Variants in IFT25 observed in about 807,000 individuals in gnomAD.
The protein encoded by IFT25 is intraflagellar transport protein 25 homolog.
At chr1:53,937,755 GAGTGTTTCTGGAA>G in the IFT25 span, among the ~76,000 whole-genome samples, 1 of 152,160 alleles carries the variant, frequency 6.6e-6, no homozygotes, top group East Asian at 1.9e-4. Flanking sequence ...CAGAATCAAG[GAGTGTTTCTGGAA>G]AGTCCTCTAT....
the IFT25 span, chr1:53,928,442 T>C: frequency 1.2e-6 from 2 of 1,606,456 alleles, no homozygotes; most frequent in South Asian, 2.2e-5. Flanking sequence ...AGGTCTGTAC[T>C]AACATTGTAA....
At chr1:53,928,220 T>C in the IFT25 span, 1,200 of 599,890 alleles carry the variant, frequency 2.0e-3, 11 homozygotes, top group African/African-American at 0.02. Flanking sequence ...AGCAGCTTTG[T>C]ATTCAAACCT....
the IFT25 span, chr1:53,939,572 A>G: frequency 6.0e-6 from 1 of 167,634 alleles, no homozygotes; most frequent in Admixed American, 6.5e-5. Flanking sequence ...GCAAGGAATG[A>G]AGCATTCAGT....
the IFT25 span, among the ~76,000 whole-genome samples, chr1:53,934,205 T>G: frequency 2.0e-5 from 3 of 152,192 alleles, no homozygotes; most frequent in Admixed American, 2.0e-4. Flanking sequence ...GGTCTACTTG[T>G]GATGAAAAAT....
At chr1:53,936,431 CAG>C in the IFT25 span, among the ~76,000 whole-genome samples, 2 of 152,166 alleles carry the variant, frequency 1.3e-5, no homozygotes, top group Admixed American at 6.5e-5. Context: ...GCCTGGGTGA[CAG>C]AGTGAGACCT....
the IFT25 span, chr1:53,916,803 C>G: frequency 5.1e-6 from 2 of 394,384 alleles, no homozygotes; most frequent in Non-Finnish European, 8.9e-6. Flanking sequence ...TCTGGTATAC[C>G]AAGGTGGCTT....
At chr1:53,928,464 A>C in the IFT25 span, 2,210 of 1,553,620 alleles carry the variant, frequency 1.4e-3, 32 homozygotes, top group African/African-American at 0.027. Flanking sequence ...CAAAGTAAGT[A>C]AAGTGTTAAT....
At chr1:53,923,664 T>A in the IFT25 span, 1 of 384,540 alleles carries the variant, frequency 2.6e-6, no homozygotes. Flanking sequence ...ATGAGAAAAA[T>A]AAAACAAAAA....
chr1:53,924,156 T>C, the IFT25 span, among the ~76,000 whole-genome samples: 1 of 152,144 alleles, frequency 6.6e-6, no homozygotes, highest in South Asian at 2.1e-4. Flanking sequence ...TAAAATATCC[T>C]AGTGAGTATA....
the IFT25 span, among the ~76,000 whole-genome samples, chr1:53,941,958 T>C: frequency 6.6e-6 from 1 of 152,188 alleles, no homozygotes; most frequent in Non-Finnish European, 1.5e-5. Context: ...TCTAGGTAGA[T>C]ATTTCTAACT....
At chr1:53,935,892 C>T in the IFT25 span, among the ~76,000 whole-genome samples, 1 of 151,992 alleles carries the variant, frequency 6.6e-6, no homozygotes, top group Non-Finnish European at 1.5e-5. Context: ...ATTTTAATTG[C>T]CTCATGTTTT....
the IFT25 span, among the ~76,000 whole-genome samples, chr1:53,942,071 C>T: frequency 6.6e-6 from 1 of 152,138 alleles, no homozygotes; most frequent in African/African-American, 2.4e-5. Flanking sequence ...TAAGGATGCA[C>T]AAAGTATGCT....
chr1:53,917,316 G>C, the IFT25 span, among the ~76,000 whole-genome samples: 1 of 151,866 alleles, frequency 6.6e-6, no homozygotes, highest in Non-Finnish European at 1.5e-5. Context: ...CTTTATAAAG[G>C]CTCTGCTTAA....
the IFT25 span, among the ~76,000 whole-genome samples, chr1:53,911,809 T>C: frequency 6.6e-5 from 10 of 152,282 alleles, no homozygotes; most frequent in East Asian, 1.9e-4. Flanking sequence ...TCTTGACCTA[T>C]AAAACAGGGT....
the IFT25 span, chr1:53,940,195 G>A: frequency 1.6e-6 from 1 of 636,194 alleles, no homozygotes; most frequent in Non-Finnish European, 2.8e-6. Context: ...CTAGCAGATG[G>A]TTTAACACCC....
At chr1:53,933,695 G>T in the IFT25 span, among the ~76,000 whole-genome samples, 1 of 152,250 alleles carries the variant, frequency 6.6e-6, no homozygotes, top group South Asian at 2.1e-4. Flanking sequence ...TTTAACTGGA[G>T]TGTTTAGCCT....
At chr1:53,940,795 G>C in the IFT25 span, among the ~76,000 whole-genome samples, 1 of 151,522 alleles carries the variant, frequency 6.6e-6, no homozygotes, top group Non-Finnish European at 1.5e-5. Flanking sequence ...CTGCAGCCCT[G>C]AACTCCAGGG....
chr1:53,931,375 T>TG, the IFT25 span, among the ~76,000 whole-genome samples: 4 of 152,214 alleles, frequency 2.6e-5, no homozygotes, highest in Non-Finnish European at 5.9e-5. Flanking sequence ...CCAAAGTGGT[T>TG]GTACTATTTT....
chr1:53,926,434 G>A, the IFT25 span, among the ~76,000 whole-genome samples: 1 of 152,330 alleles, frequency 6.6e-6, no homozygotes. Context: ...TTATGGGCGT[G>A]AGCCTAGCTT....
Sources: allele counts gnomAD v4.1 joint callset (sites outside exome capture counted in the v4.1 genomes callset), GRCh38; gene constraint gnomAD v4.1.1; transcripts MANE v1.5; gene names NCBI Gene and HGNC (gene_info 2026-07-23, HGNC 2026-07-21).